PDCD10: variants seen among roughly 807,000 people sequenced by gnomAD.
The protein encoded by PDCD10 is programmed cell death protein 10.
PDCD10 carries 4 observed loss-of-function variants against 29.2 expected under a neutral mutation model. The observed-to-expected ratio is 0.14, with a 90% CI of 0.07 to 0.31. PDCD10 has a LOEUF of 0.31. PDCD10 is among the 10% of genes least tolerant of loss of function. The pLI, the probability that PDCD10 is intolerant of heterozygous loss-of-function variation, is 1.00. For synonymous variants in PDCD10, 70 were observed against 82.2 expected (o/e 0.85, Z 0.80); for missense variants, 183 against 257.9 (o/e 0.71, Z 1.99).
intron 3 of PDCD10, among the ~76,000 whole-genome samples, 196 bp downstream of exon 3, chr3:167,719,866 A>G (rs1217677835): frequency 2.0e-5 from 3 of 152,068 alleles, no homozygotes; most frequent in Admixed American, 6.6e-5. Context: ...TTCCCATTAT[A>G]GCATAATCTC....
intron 2 of PDCD10, among the ~76,000 whole-genome samples, chr3:167,720,616 T>A (rs1723471163): frequency 6.6e-6 from 1 of 152,048 alleles, no homozygotes; most frequent in South Asian, 2.1e-4. Flanking sequence ...ATAAGACACA[T>A]ACTTATAATA....
intron 5 of PDCD10, 68 bp downstream of exon 5, chr3:167,696,938 AAAT>A (rs1477997766): frequency 2.4e-6 from 2 of 848,754 alleles, no homozygotes; most frequent in East Asian, 2.4e-5. Flanking sequence ...TCCTTTGGTC[AAAT>A]AATAATGATT....
At position 167,683,488 on chromosome 3, in the gene PDCD10, G is replaced by C. The variant is rs1719271746; in HGVS notation, c.*820C>G. 1 of 151,726 alleles carries C rather than the reference G, an allele frequency of 6.6e-6. No individual in the cohort carries two copies. The highest frequency in any genetic ancestry group is 2.4e-5 in the African/African-American group (1 of 41,344). 9.4% of individuals were successfully genotyped at this position (151,726 alleles called of 1,614,324 possible). A position where few individuals can be genotyped will look rare whatever the true frequency, so the allele number is the denominator to read the frequency against. On this transcript the variant is annotated 3_prime_UTR_variant, in exon 9 of 9. Transcript: ENST00000392750. The stretch of plus-strand genomic sequence containing the variant: ...TAGCTTCAAATTACTATTAATTGTG[G>C]CTATTTTTTGGGAAAAAATTGTGCA...
At chr3:167,724,047 C>T (rs1461045957) in intron 2 of PDCD10, among the ~76,000 whole-genome samples, 2 of 152,196 alleles carry the variant, frequency 1.3e-5, no homozygotes, top group Admixed American at 6.5e-5. Context: ...TTTCTGCCCT[C>T]CCTAACCAAC....
chr3:167,707,715 A>T (rs942809007), intron 3 of PDCD10, among the ~76,000 whole-genome samples: 1 of 152,078 alleles, frequency 6.6e-6, no homozygotes, highest in Non-Finnish European at 1.5e-5. Context: ...CAAAAAAAAC[A>T]GATTAAACAC....
At chr3:167,685,792 A>G (rs555967519) in intron 8 of PDCD10, among the ~76,000 whole-genome samples, 7 of 152,214 alleles carry the variant, frequency 4.6e-5, no homozygotes, top group Non-Finnish European at 1.0e-4. Context: ...TAAATCAAAT[A>G]AAAGTTTATT....
chr3:167,728,902 G>C (rs1295229581), intron 2 of PDCD10, among the ~76,000 whole-genome samples: 1 of 152,172 alleles, frequency 6.6e-6, no homozygotes, highest in Non-Finnish European at 1.5e-5. Flanking sequence ...ACACTCCAGG[G>C]AGCGTACCTG....
At chr3:167,717,638 C>A (rs1723152502) in intron 3 of PDCD10, among the ~76,000 whole-genome samples, 1 of 151,836 alleles carries the variant, frequency 6.6e-6, no homozygotes, top group South Asian at 2.1e-4. Flanking sequence ...GTATTTCATT[C>A]TTTTTTAACC....
chr3:167,729,309 T>A (rs1301737135), intron 2 of PDCD10, among the ~76,000 whole-genome samples: 1 of 152,220 alleles, frequency 6.6e-6, no homozygotes, highest in East Asian at 1.9e-4. Context: ...ATAGGTTTTT[T>A]AAAAAGTTTG....
chr3:167,700,528 C>T (rs887313989), intron 4 of PDCD10, among the ~76,000 whole-genome samples: 2 of 151,874 alleles, frequency 1.3e-5, no homozygotes, highest in Non-Finnish European at 2.9e-5. Flanking sequence ...ATTGCTGCAG[C>T]TACATCAGCA....
intron 4 of PDCD10, among the ~76,000 whole-genome samples, chr3:167,701,717 T>C (rs985638876): frequency 3.9e-5 from 6 of 152,090 alleles, no homozygotes; most frequent in African/African-American, 1.4e-4. Context: ...CAATCCTTGG[T>C]AGAAAGAATA....
chr3:167,695,672 C>A lies in PDCD10; in HGVS notation c.319G>T (p.Ala107Ser). 1.2e-6 allele frequency: 2 copies of A among 1,612,880 alleles called. No individual in the cohort carries two copies. The highest frequency in any genetic ancestry group is 2.2e-5 in the East Asian group (1 of 44,868). Reference sequence around the variant, plus strand: ...CTGAGAATTTGTTTAAGTGCTCGTGCCTTTTCGTTTAGGTCTTGGAATTCT... The same window carrying A: ...CTGAGAATTTGTTTAAGTGCTCGTGACTTTTCGTTTAGGTCTTGGAATTCT... ...EPEFQDLNEKARALKQILSKI... is the reference protein window; with the variant it reads ...EPEFQDLNEKSRALKQILSKI... The change falls in exon 6 of 9, where the codon GCA becomes TCA. Residue 107 changes from alanine to serine, a missense_variant. Coordinates refer to ENST00000392750, the MANE Select transcript of PDCD10 (RefSeq NM_007217.4).
chr3:167,721,259 A>AG (rs1577367496), intron 2 of PDCD10, among the ~76,000 whole-genome samples: 2 of 152,140 alleles, frequency 1.3e-5, no homozygotes, highest in Non-Finnish European at 2.9e-5. Context: ...TGCAATTCTA[A>AG]TTTTACAAGT....
chr3:167,695,275 GTATATCT>G (rs1401797207), intron 6 of PDCD10, among the ~76,000 whole-genome samples: 1 of 152,102 alleles, frequency 6.6e-6, no homozygotes, highest in African/African-American at 2.4e-5. Context: ...AATTATTTTG[GTATATCT>G]TACTACCAAT....
Position 167,684,343 on chromosome 3 carries a change from T to G in PDCD10, c.604A>C (p.Asn202His). Residue 202 changes from asparagine (N) to histidine (H), a missense_variant, in exon 9 of 9, where the codon AAC becomes CAC. Transcript: ENST00000392750. ...VSANRLIHQT[N>H]LILQTFKTVA ...GTTTTGAAGGTCTGAAGTATTAAGT[T>G]GGTTTGATGAATTAGTCGGTTGGCA... The G allele has an allele frequency of 6.2e-7, 1 of 1,607,260 alleles. No homozygotes were observed. Among genetic ancestry groups the G allele is most frequent in the Non-Finnish European group, 8.5e-7 (1 of 1,174,024 alleles).
intron 4 of PDCD10, among the ~76,000 whole-genome samples, chr3:167,702,320 T>G (rs1721526640): frequency 6.6e-6 from 1 of 152,174 alleles, no homozygotes; most frequent in Non-Finnish European, 1.5e-5. Flanking sequence ...ATGCAGACCT[T>G]ATGATGATCC....
intron 3 of PDCD10, among the ~76,000 whole-genome samples, chr3:167,713,274 C>G (rs1254788146): frequency 6.6e-6 from 1 of 151,932 alleles, no homozygotes; most frequent in South Asian, 2.1e-4. Context: ...AAACCAGTAA[C>G]AAGAGAAATT....
At position 167,707,872 on chromosome 3, in the gene PDCD10, C is replaced by A. The variant is rs147957673; in HGVS notation, c.97-2977G>T. ...TCAGTTACACAGTATGTCCATGTAA[C>A]CAGTAAAAGAGTAAGAGAAAATAAG... On this transcript the variant is annotated intron_variant, in intron 3 of 8. Coordinates refer to ENST00000392750, the MANE Select transcript of PDCD10 (RefSeq NM_007217.4). 1.6e-3 allele frequency among the ~76,000 whole-genome samples: 241 copies of A among 151,974 alleles called. 1 individual carries two copies. Among genetic ancestry groups the A allele is most frequent in the African/African-American group, 5.7e-3 (236 of 41,430 alleles).
At position 167,683,407 on chromosome 3, in the gene PDCD10, G is replaced by A. The variant is rs973895845; in HGVS notation, c.*901C>T. On this transcript the variant is annotated 3_prime_UTR_variant, in exon 9 of 9. Coordinates refer to ENST00000392750, the MANE Select transcript of PDCD10 (RefSeq NM_007217.4). ...CTATGGTGAAATAAAACTGTACCTA[G>A]TTGAAGAGTGTATATAATATTAACA... 6.6e-6 allele frequency: 1 copy of A among 151,918 alleles called. No individual in the cohort carries two copies. The highest frequency in any genetic ancestry group is 1.5e-5 in the Non-Finnish European group (1 of 67,926). The allele number at this position is 151,918 out of a possible 1,614,324, so 9.4% of individuals were successfully genotyped here. A position where few individuals can be genotyped will look rare whatever the true frequency, so the allele number is the denominator to read the frequency against.
Sources: gnomAD v4.1 joint callset for allele counts (sites outside exome capture counted in the v4.1 genomes callset) on GRCh38, gnomAD v4.1.1 for gene constraint, MANE v1.5 for transcripts, NCBI Gene and HGNC (gene_info 2026-07-23, HGNC 2026-07-21) for gene names.